MTO1: variants seen among roughly 807,000 people sequenced by gnomAD.
The protein encoded by MTO1 is mitochondrial tRNA translation optimization 1, also known as 5-taurinomethyluridine-[tRNA] synthase subunit MTO1, mitochondrial.
MTO1 carries 46 observed loss-of-function variants against 71.6 expected under a neutral mutation model. That is an observed-to-expected ratio of 0.64 (90% confidence interval 0.51 to 0.82). The LOEUF is 0.82. Ranked by LOEUF, MTO1 falls within the 40% of genes least tolerant of loss-of-function variation. The pLI is 0.00. For synonymous variants in MTO1, 297 were observed against 312.1 expected (o/e 0.95, Z 0.51); for missense variants, 773 against 867.5 (o/e 0.89, Z 1.37).
intron 3 of MTO1, 119 bp downstream of exon 3, chr6:73,466,725 T>G: frequency 2.6e-5 from 21 of 795,924 alleles, no homozygotes; most frequent in East Asian, 1.0e-4. Flanking sequence ...GCATTTTCTC[T>G]ACCTGGATGA....
Position 73,492,037 on chromosome 6 carries a change from G to A in MTO1, c.1638-197G>A, listed in dbSNP as rs1233983806. ...GAATTGCTTGAACCCAGCAGGTGGG[G>A]ATTGCAGTGAGCCAAGATTGTACCA... On this transcript the variant is annotated intron_variant, in intron 9 of 11. Transcript: ENST00000498286. The A allele has an allele frequency of 4.1e-5, 18 of 441,602 alleles. No individual in the cohort carries two copies. In the Admixed American group the frequency reaches 6.2e-4, roughly 15 times the overall value. The allele number at this position is 441,602 out of a possible 1,614,324, so 27.4% of individuals were successfully genotyped here.
At chr6:73,467,601 G>A (rs1224079664) in intron 3 of MTO1, among the ~76,000 whole-genome samples, 4 of 98,250 alleles carry the variant, frequency 4.1e-5, no homozygotes, top group Non-Finnish European at 7.3e-5. Flanking sequence ...CAACAAGAGC[G>A]AAACTCTGTC....
chr6:73,473,355 T>C lies in MTO1; in HGVS notation c.536-10T>C, dbSNP rs572893491. 1.3e-6 allele frequency: 2 copies of C among 1,593,754 alleles called. No homozygotes were observed. Among genetic ancestry groups the C allele is most frequent in the Non-Finnish European group, 1.7e-6 (2 of 1,169,412 alleles). On this transcript the variant is annotated splice_polypyrimidine_tract_variant and intron_variant, in intron 3 of 11. Coordinates refer to ENST00000498286, the MANE Select transcript of MTO1 (RefSeq NM_012123.4). ...AGATAATGACTTTATTCTTTTTTCT[T>C]GTTATTTAGTGGATGGAAGCACAGT...
intron 9 of MTO1, chr6:73,486,704 C>A (rs919951686): frequency 2.2e-5 from 7 of 321,020 alleles, no homozygotes; most frequent in Non-Finnish European, 4.4e-5. Context: ...AGCCATTGCA[C>A]CCAAACCTGA....
chr6:73,465,744 T>C (rs971937106), intron 1 of MTO1, among the ~76,000 whole-genome samples: 2 of 152,070 alleles, frequency 1.3e-5, no homozygotes, highest in South Asian at 2.1e-4. Flanking sequence ...CCCAGCACTC[T>C]GGGAGGCCGA....
At chr6:73,476,378 CAAAA>C (rs869185503) in intron 4 of MTO1, among the ~76,000 whole-genome samples, 1 of 62,898 alleles carries the variant, frequency 1.6e-5, no homozygotes, top group Non-Finnish European at 3.4e-5. Flanking sequence ...GACTCCATCT[CAAAA>C]AAAAAAAAAA....
intron 4 of MTO1, among the ~76,000 whole-genome samples, chr6:73,477,347 G>T (rs552926458): frequency 1.8e-4 from 24 of 133,174 alleles, no homozygotes; most frequent in African/African-American, 6.7e-4. Flanking sequence ...AGTGAGCTGA[G>T]ATTGTGCCAC....
At chr6:73,477,893 G>A (rs1468626708) in intron 4 of MTO1, among the ~76,000 whole-genome samples, 2 of 152,088 alleles carry the variant, frequency 1.3e-5, no homozygotes, top group African/African-American at 2.4e-5. Flanking sequence ...GGAACAGTTT[G>A]TCAATCTTTA....
intron 4 of MTO1, 132 bp from the exon 5 acceptor site, chr6:73,479,600 A>T: frequency 1.7e-6 from 1 of 603,438 alleles, no homozygotes; most frequent in Non-Finnish European, 2.8e-6. Flanking sequence ...AGAATACTTC[A>T]TAAGTAATAC....
intron 4 of MTO1, among the ~76,000 whole-genome samples, chr6:73,474,908 G>A (rs1206385264): frequency 6.6e-6 from 1 of 151,296 alleles, no homozygotes; most frequent in East Asian, 2.0e-4. Flanking sequence ...GGCTCCTGCC[G>A]CCACACTGGC....
At chr6:73,462,171 C>A in intron 1 of MTO1, 100 bp downstream of exon 1, 2 of 1,291,596 alleles carry the variant, frequency 1.5e-6, no homozygotes, top group South Asian at 1.3e-5. Flanking sequence ...TTCCTCAAAG[C>A]TAGTGAGAAT....
intron 9 of MTO1, among the ~76,000 whole-genome samples, chr6:73,490,261 T>G (rs558926370): frequency 3.3e-5 from 5 of 152,196 alleles, no homozygotes; most frequent in Non-Finnish European, 7.3e-5. Context: ...CTGATGGTAG[T>G]TTCTTTTGCT....
intron 1 of MTO1, among the ~76,000 whole-genome samples, chr6:73,465,878 G>C (rs1770971907): frequency 6.6e-6 from 1 of 152,052 alleles, no homozygotes; most frequent in African/African-American, 2.4e-5. Context: ...CGGCTACTCG[G>C]GATGCTGAGG....
Position 73,473,431 on chromosome 6 carries a change from T to C in MTO1, c.602T>C (p.Ile201Thr). Reference sequence around the variant, plus strand: ...ACTGGGACATTTCTGAGAGGCATGATTGTAATTGGATTGGAGACGCATCCA... The same window carrying C: ...ACTGGGACATTTCTGAGAGGCATGACTGTAATTGGATTGGAGACGCATCCA... Reference protein sequence around the residue: ...LTTGTFLRGMIVIGLETHPAG... With the variant: ...LTTGTFLRGMTVIGLETHPAG... Residue 201 changes from isoleucine (I) to threonine (T), a missense_variant, in exon 4 of 12, where the codon ATT becomes ACT. Coordinates refer to ENST00000498286, the MANE Select transcript of MTO1 (RefSeq NM_012123.4). 1 of 1,614,152 alleles carries C rather than the reference T, an allele frequency of 6.2e-7. No homozygotes were observed. Among genetic ancestry groups the C allele is most frequent in the South Asian group, 1.1e-5 (1 of 91,084 alleles).
rs1342941879 is a variant in MTO1 at position 73,461,869 on chromosome 6, A to C, written c.15A>C (p.Arg5=). 6.2e-7 allele frequency: 1 copy of C among 1,613,354 alleles called. No individual in the cohort carries two copies. The highest frequency in any genetic ancestry group is 1.3e-5 in the African/African-American group (1 of 74,926). MFYF[R]GCGRWVAVSF... is the part of the protein sequence containing the mutation. ...TTTCTCCCAGCATGTTCTACTTCCG[A>C]GGCTGTGGCCGTTGGGTCGCGGTTT... The change falls in exon 1 of 12, where the codon CGA becomes CGC. Residue 5 remains arginine, a synonymous_variant. Transcript: ENST00000498286.
chr6:73,486,890 G>A (rs1052457400), intron 9 of MTO1: 2 of 162,868 alleles, frequency 1.2e-5, no homozygotes, highest in Non-Finnish European at 2.7e-5. Flanking sequence ...CCAGGAGGTC[G>A]AGGCTGCAAT....
intron 9 of MTO1, among the ~76,000 whole-genome samples, chr6:73,488,951 T>C (rs1050349648): frequency 6.6e-6 from 1 of 152,142 alleles, no homozygotes; most frequent in Non-Finnish European, 1.5e-5. Flanking sequence ...AAAATGGATC[T>C]AGTTCCATTT....
intron 4 of MTO1, among the ~76,000 whole-genome samples, chr6:73,476,621 A>G (rs1771330756): frequency 6.6e-6 from 1 of 151,962 alleles, no homozygotes; most frequent in Non-Finnish European, 1.5e-5. Flanking sequence ...AGATGGTAAT[A>G]TACACATTTA....
At chr6:73,463,522 T>C (rs1770887544) in intron 1 of MTO1, among the ~76,000 whole-genome samples, 1 of 152,136 alleles carries the variant, frequency 6.6e-6, no homozygotes, top group Non-Finnish European at 1.5e-5. Context: ...TCCTTTTGCT[T>C]AGGAGCGAGC....
Sources: allele counts gnomAD v4.1 joint callset (sites outside exome capture counted in the v4.1 genomes callset), GRCh38; gene constraint gnomAD v4.1.1; transcripts MANE v1.5; gene names NCBI Gene and HGNC (gene_info 2026-07-23, HGNC 2026-07-21).